Variants in PISD observed in about 807,000 individuals in gnomAD.
The protein encoded by PISD is phosphatidylserine decarboxylase proenzyme, mitochondrial.
A neutral mutation model predicts 43.5 loss-of-function variants in PISD; 31 were observed. The observed-to-expected ratio is 0.71, with a 90% CI of 0.54 to 0.96. The LOEUF (loss-of-function observed/expected upper bound fraction) is 0.96, where lower values mean the gene tolerates loss of function less well. Among genes scored for constraint, PISD ranks in the 40% least tolerant of loss-of-function variants. The pLI is 0.00. For synonymous variants in PISD, 259 were observed against 228.7 expected (o/e 1.13, Z -1.20); for missense variants, 523 against 548.4 (o/e 0.95, Z 0.46).
chr22:31,620,165 GGGGCAGGGT>G (rs1392744153), intron 7 of PISD, among the ~76,000 whole-genome samples: 2 of 152,204 alleles, frequency 1.3e-5, no homozygotes, highest in African/African-American at 2.4e-5. Flanking sequence ...GCAGCCCCTG[GGGGCAGGGT>G]GGGCAGCAGA....
chr22:31,661,957 C>A (rs2074331501), intron 1 of PISD, among the ~76,000 whole-genome samples, 187 bp downstream of exon 1: 1 of 152,188 alleles, frequency 6.6e-6, no homozygotes, highest in South Asian at 2.1e-4. Flanking sequence ...TAGGCCACAC[C>A]CTAAGTAAAT....
At chr22:31,647,194 TCA>T (rs1199117665) in intron 3 of PISD, among the ~76,000 whole-genome samples, 1 of 152,220 alleles carries the variant, frequency 6.6e-6, no homozygotes, top group African/African-American at 2.4e-5. Flanking sequence ...GGATGGAATC[TCA>T]GAGTCATGTT....
intron 3 of PISD, among the ~76,000 whole-genome samples, chr22:31,633,850 G>T (rs545811237): frequency 6.6e-6 from 1 of 152,300 alleles, no homozygotes; most frequent in South Asian, 2.1e-4. Context: ...TCTGGATTTT[G>T]AACAATCACT....
intron 3 of PISD, chr22:31,623,888 C>T: frequency 6.3e-7 from 1 of 1,592,080 alleles, no homozygotes; most frequent in Non-Finnish European, 8.6e-7. Flanking sequence ...GGTCAGTGGC[C>T]AGGCTCTGGG....
chr22:31,647,777 T>G (rs148920285), intron 3 of PISD, among the ~76,000 whole-genome samples: 1 of 152,334 alleles, frequency 6.6e-6, no homozygotes, highest in East Asian at 1.9e-4. Flanking sequence ...CTCAATAGTT[T>G]CAGCCCTCTT....
rs2072603280 is a variant in PISD, at chr22:31,621,892, G to A, written c.322-7C>T. The A allele has an allele frequency of 1.2e-6, 2 of 1,600,858 alleles. No individual in the cohort carries two copies. The highest frequency in any genetic ancestry group is 2.7e-5 in the African/African-American group (2 of 74,856). The stretch of plus-strand genomic sequence containing the variant: ...CTGACTTGTACAAAGCCACCTGCAG[G>A]CCACAGGGCAAGGGGCTGAGTTGAC... On this transcript the variant is annotated splice_polypyrimidine_tract_variant and splice_region_variant and intron_variant, in intron 3 of 7. Coordinates refer to ENST00000439502, the MANE Select transcript of PISD (RefSeq NM_001326411.2).
intron 3 of PISD, among the ~76,000 whole-genome samples, chr22:31,633,859 C>T (rs1477549627): frequency 6.6e-6 from 1 of 152,234 alleles, no homozygotes; most frequent in Non-Finnish European, 1.5e-5. Context: ...TGAACAATCA[C>T]TTACAAGTGA....
At chr22:31,654,065 C>G (rs757418284) in intron 1 of PISD, among the ~76,000 whole-genome samples, 6 of 152,188 alleles carry the variant, frequency 3.9e-5, no homozygotes, top group Admixed American at 1.3e-4. Flanking sequence ...CCTCACCTCT[C>G]AGCCTCTCTT....
chr22:31,662,039 G>C, intron 1 of PISD, 105 bp downstream of exon 1: 1 of 1,037,024 alleles, frequency 9.6e-7, no homozygotes, highest in Non-Finnish European at 1.5e-6. Flanking sequence ...GTCTCCACCC[G>C]AGCTCGCCTC....
chr22:31,644,808 T>C (rs970316409), intron 3 of PISD, among the ~76,000 whole-genome samples: 2 of 152,194 alleles, frequency 1.3e-5, no homozygotes, highest in Non-Finnish European at 2.9e-5. Context: ...CCACATCTGA[T>C]GTCATGTGAC....
At chr22:31,661,879 G>C (rs1280223902) in intron 1 of PISD, among the ~76,000 whole-genome samples, 1 of 152,132 alleles carries the variant, frequency 6.6e-6, no homozygotes, top group African/African-American at 2.4e-5. Context: ...CGGGCAGGTA[G>C]CCTATTTCAT....
rs764413071 is a variant in PISD at position 31,621,316 on chromosome 22, G to A, written c.697+18C>T. On this transcript the variant is annotated intron_variant, in intron 5 of 7. Transcript: ENST00000439502. The stretch of plus-strand genomic sequence containing the variant: ...CACAGCAGCAGGGCTGCCTAGCCCC[G>A]CCTGTGCAGTGACCCACCTGGTGGG... The A allele has an allele frequency of 2.6e-5, 42 of 1,613,812 alleles. 1 individual carries two copies. Among genetic ancestry groups the A allele is most frequent in the African/African-American group, 6.7e-5 (5 of 75,038 alleles).
At position 31,621,387 on chromosome 22, in the gene PISD, AG is replaced by A. The variant is rs1321112383; in HGVS notation, c.643del (p.Leu215TrpfsTer70). ...CATACGCGGGCCCAGGAACGACTCC[AG>A]GGAGTAGGTGACCCCCTTTACCTGC... is the stretch of plus-strand genomic sequence containing the variant. ...VEQVKGVTYS[L>X]ESFLGPRMCT... On this transcript the variant is annotated frameshift_variant, in exon 5 of 8. Coordinates refer to ENST00000439502, the MANE Select transcript of PISD (RefSeq NM_001326411.2). LOFTEE classifies it high-confidence loss of function. The A allele has an allele frequency of 1.2e-6, 2 of 1,614,092 alleles. No homozygotes were observed. The highest frequency in any genetic ancestry group is 1.7e-6 in the Non-Finnish European group (2 of 1,179,990).
At chr22:31,662,277 T>G, upstream of PISD, 1 of 1,496,694 alleles carries the variant, frequency 6.7e-7, no homozygotes, top group Non-Finnish European at 9.2e-7. Context: ...GCGTCACGAG[T>G]CTCGAGTTCA....
At chr22:31,651,835 G>A (rs1211936066) in intron 1 of PISD, among the ~76,000 whole-genome samples, 1 of 152,122 alleles carries the variant, frequency 6.6e-6, no homozygotes, top group Non-Finnish European at 1.5e-5. Context: ...TATTCCCAGT[G>A]GCAATAAATG....
Position 31,637,161 on chromosome 22 carries a change from AAAAATATATATATATATATATATATATAT to A in PISD, c.321+10911_321+10939del, listed in dbSNP as rs1201141109. Among the ~76,000 whole-genome samples, 11 of 23,316 alleles carry A rather than the reference AAAAATATATATATATATATATATATATAT, an allele frequency of 4.7e-4. 1 individual carries two copies. In the South Asian group the frequency reaches 5.0e-3, roughly 11 times the overall value. The allele number at this position is 23,316 out of a possible 152,430, so 15.3% of individuals were successfully genotyped here. A position where few individuals can be genotyped will look rare whatever the true frequency, so the allele number is the denominator to read the frequency against. On this transcript the variant is annotated intron_variant, in intron 3 of 7. Transcript: ENST00000439502. ...AATAAATTAAAAAAAAAAAAAAAAA[AAAAATATATATATATATATATATATATAT>A]ATATATATATATATATAGAAAAATT...
At chr22:31,625,995 G>T (rs913280901) in intron 3 of PISD, 1 of 1,452,586 alleles carries the variant, frequency 6.9e-7, no homozygotes, top group Non-Finnish European at 9.0e-7. Context: ...TGGCTCACAG[G>T]GTGCAGAATA....
chr22:31,637,623 C>A (rs182672659), intron 3 of PISD, among the ~76,000 whole-genome samples: 87 of 152,226 alleles, frequency 5.7e-4, no homozygotes, highest in Middle Eastern at 6.8e-3. Context: ...TGACTGAGGA[C>A]CTGAGAACTC....
At position 31,619,438 on chromosome 22, in the gene PISD, CTT is replaced by C. The variant is rs142338374; in HGVS notation, c.*172_*173del. On this transcript the variant is annotated 3_prime_UTR_variant, in exon 8 of 8. Coordinates refer to ENST00000439502, the MANE Select transcript of PISD (RefSeq NM_001326411.2). ...GGCATGATGGGGGCTCTCGCCACCTCTTGTCTGCACCTCTGGAACAGGTGGTA... is the reference window on the plus strand; with the variant it reads ...GGCATGATGGGGGCTCTCGCCACCTCGTCTGCACCTCTGGAACAGGTGGTA... 0.051 allele frequency: 35,653 copies of C among 693,120 alleles called. 1,817 individuals carry two copies. Among genetic ancestry groups the C allele is most frequent in the East Asian group, 0.23 (8,472 of 36,296 alleles). 42.9% of individuals were successfully genotyped at this position (693,120 alleles called of 1,614,324 possible).
Sources: allele counts gnomAD v4.1 joint callset (sites outside exome capture counted in the v4.1 genomes callset), GRCh38; gene constraint gnomAD v4.1.1; transcripts MANE v1.5; gene names NCBI Gene and HGNC (gene_info 2026-07-23, HGNC 2026-07-21).